Variants in CCDC159 observed in about 807,000 individuals in gnomAD.
CCDC159 encodes the protein coiled-coil domain containing 159.
In CCDC159, 40 loss-of-function variants were observed where a neutral mutation model predicts 50.9. The observed-to-expected ratio is 0.79, with a 90% CI of 0.61 to 1.02. The LOEUF (loss-of-function observed/expected upper bound fraction) is 1.02. CCDC159 is among the 50% of genes least tolerant of loss of function. The pLI, the probability that CCDC159 is intolerant of heterozygous loss-of-function variation, is 0.00. For synonymous variants in CCDC159, 146 were observed against 138.9 expected, an observed-to-expected ratio of 1.05 and a Z score of -0.36; for missense variants, 356 against 371.5, an observed-to-expected ratio of 0.96 and a Z score of 0.34.
chr19:11,347,663 A>T (rs1026119887), intron 1 of CCDC159, among the ~76,000 whole-genome samples: 6 of 152,198 alleles, frequency 3.9e-5, no homozygotes, highest in African/African-American at 1.4e-4. Flanking sequence ...GGAGTCTTCC[A>T]GGTCGACTGA....
At chr19:11,349,485 G>A in intron 1 of CCDC159, 169 bp from the exon 2 acceptor site, 2 of 770,828 alleles carry the variant, frequency 2.6e-6, no homozygotes, top group Non-Finnish European at 4.2e-6. Context: ...TGTAGCCCAA[G>A]GGGGAGGTGC....
chr19:11,353,679 C>A lies in CCDC159; in HGVS notation c.689+107C>A, dbSNP rs1967710682. The A allele has an allele frequency of 7.7e-6, 12 of 1,561,800 alleles. No individual in the cohort carries two copies. In the South Asian group the frequency reaches 1.4e-4, roughly 18 times the overall value. On this transcript the variant is annotated intron_variant, in intron 8 of 10. Transcript: ENST00000458408. Reference sequence around the variant, plus strand: ...CTGGAGCCCACCTGAGTCCAGACTTCCCTCACCCCCTAGGACTCACCCCAC... The same window carrying A: ...CTGGAGCCCACCTGAGTCCAGACTTACCTCACCCCCTAGGACTCACCCCAC...
chr19:11,349,215 C>G (rs1376716610), intron 1 of CCDC159: 1 of 1,297,110 alleles, frequency 7.7e-7, no homozygotes, highest in Admixed American at 2.1e-5. Context: ...ACCCGGGAAA[C>G]CCCTTCAATG....
intron 1 of CCDC159, chr19:11,349,208 C>G: frequency 7.6e-7 from 1 of 1,311,894 alleles, no homozygotes; most frequent in Non-Finnish European, 1.0e-6. Flanking sequence ...CACCCCCACC[C>G]GGGAAACCCC....
intron 1 of CCDC159, among the ~76,000 whole-genome samples, chr19:11,347,382 G>A (rs1349990469): frequency 1.3e-5 from 2 of 152,222 alleles, no homozygotes; most frequent in East Asian, 3.8e-4. Flanking sequence ...CCGGGCTGGA[G>A]CACAGTGGCA....
At chr19:11,354,389 C>G (rs550213535) in intron 9 of CCDC159, among the ~76,000 whole-genome samples, 191 bp from the exon 10 acceptor site, 1 of 151,592 alleles carries the variant, frequency 6.6e-6, no homozygotes, top group South Asian at 2.1e-4. Context: ...GACCCCATCT[C>G]TAAAAAAAAA....
In CCDC159 at chr19:11,354,933, G is replaced by T; in HGVS notation, c.*56G>T. The T allele has an allele frequency of 1.3e-6, 2 of 1,580,008 alleles. No homozygotes were observed. Among genetic ancestry groups the T allele is most frequent in the Non-Finnish European group, 1.7e-6 (2 of 1,149,222 alleles). On this transcript the variant is annotated 3_prime_UTR_variant, in exon 11 of 11. Coordinates refer to ENST00000458408, the MANE Select transcript of CCDC159 (RefSeq NM_001080503.3). ...TCCAGAGAGAAAATAAACTAGCCCA[G>T]ACCCTCCTCTAGCCCCGACTGTTAG...
intron 7 of CCDC159, among the ~76,000 whole-genome samples, chr19:11,353,196 G>C (rs2144645931): frequency 6.6e-6 from 1 of 152,178 alleles, no homozygotes; most frequent in East Asian, 1.9e-4. Flanking sequence ...TGCCTCCTGG[G>C]TTCAAGCAAT....
chr19:11,353,982 T>G, intron 9 of CCDC159, 108 bp downstream of exon 9: 2 of 842,280 alleles, frequency 2.4e-6, no homozygotes, highest in Non-Finnish European at 1.8e-6. Context: ...GGTGTTATTC[T>G]ATGGTCACAT....
rs372176819 is a variant in CCDC159 at position 11,354,677 on chromosome 19, C to T, written c.870C>T (p.Ser290=). The T allele has an allele frequency of 4.9e-5, 78 of 1,606,030 alleles. No individual in the cohort carries two copies. Among genetic ancestry groups the T allele is most frequent in the Middle Eastern group, 3.3e-4 (2 of 6,070 alleles). The change falls in exon 10 of 11, where the codon AGC becomes AGT. Residue 290 remains serine, a synonymous_variant. Coordinates refer to ENST00000458408, the MANE Select transcript of CCDC159 (RefSeq NM_001080503.3). ...TCTCCCAGCCACCTTTCAGCAAGAGCGGCCGCTCCTTCCCACCCGGTGCAG... is the reference window on the plus strand; with the variant it reads ...TCTCCCAGCCACCTTTCAGCAAGAGTGGCCGCTCCTTCCCACCCGGTGCAG... ...QDLSQPPFSK[S]GRSFPPA
chr19:11,350,099 G>A lies in CCDC159; in HGVS notation c.145-19G>A. 1.2e-6 allele frequency: 2 copies of A among 1,613,164 alleles called. No homozygotes were observed. The highest frequency in any genetic ancestry group is 1.7e-6 in the Non-Finnish European group (2 of 1,179,546). On this transcript the variant is annotated intron_variant, in intron 3 of 10. Transcript: ENST00000458408. ...CTCCCCTCCTTCCTCCCACCCCAAG[G>A]CTGACCTCTTTCCCCCAGGCTTTCG...
At chr19:11,347,914 A>G (rs1037337443) in intron 1 of CCDC159, among the ~76,000 whole-genome samples, 8 of 152,136 alleles carry the variant, frequency 5.3e-5, no homozygotes, top group African/African-American at 1.7e-4. Flanking sequence ...CTGGGCCCCA[A>G]TTCAGCTAAC....
Position 11,353,837 on chromosome 19 carries a change from G to T in CCDC159, c.735G>T (p.Leu245Phe). Residue 245 changes from leucine (L) to phenylalanine (F), a missense_variant, in exon 9 of 11, where the codon TTG (leucine) becomes TTT (phenylalanine). Leu to Phe is a conservative substitution (Grantham distance 22). Transcript: ENST00000458408. ...VLQNSIDSLT[L>F]CSGACPKASS... The stretch of plus-strand genomic sequence containing the variant: ...AGAACTCCATAGACAGCCTCACTTT[G>T]TGCTCGGGGGCCTGTCCCAAGGCCT... 1 of 1,594,586 alleles carries T rather than the reference G, an allele frequency of 6.3e-7. No individual in the cohort carries two copies. Among genetic ancestry groups the T allele is most frequent in the East Asian group, 2.3e-5 (1 of 44,002 alleles).
At chr19:11,348,424 G>A (rs1208298262) in intron 1 of CCDC159, among the ~76,000 whole-genome samples, 2 of 152,086 alleles carry the variant, frequency 1.3e-5, no homozygotes, top group African/African-American at 2.4e-5. Context: ...GAGTAGCTGG[G>A]ATTACAGGCG....
chr19:11,351,329 A>C, intron 5 of CCDC159: 2 of 250,712 alleles, frequency 8.0e-6, no homozygotes, highest in Non-Finnish European at 1.6e-5. Flanking sequence ...CCCAGCTACT[A>C]GGGAAGCTGA....
chr19:11,353,725 G>C (rs1312401688), intron 8 of CCDC159, 67 bp from the exon 9 acceptor site: 1 of 1,540,046 alleles, frequency 6.5e-7, no homozygotes, highest in Non-Finnish European at 8.8e-7. Context: ...AACCTTAGCT[G>C]TACTGCTGTC....
intron 2 of CCDC159, 44 bp from the exon 3 acceptor site, chr19:11,349,894 C>T (rs376544974): frequency 2.8e-5 from 45 of 1,585,972 alleles, no homozygotes; most frequent in Admixed American, 3.4e-5. Context: ...TTGCCCCAGA[C>T]CCCACCCCTT....
Position 11,349,645 on chromosome 19 carries a change from C to A in CCDC159, c.22-9C>A. On this transcript the variant is annotated splice_polypyrimidine_tract_variant and intron_variant, in intron 1 of 10. Coordinates refer to ENST00000458408, the MANE Select transcript of CCDC159 (RefSeq NM_001080503.3). ...AAATTTCTACTCCCATCTCATCTCT[C>A]TTCCTTAGAAGCCCTTGGAGACCAG... The A allele has an allele frequency of 1.9e-6, 3 of 1,613,304 alleles. No individual in the cohort carries two copies. In the South Asian group the frequency reaches 3.3e-5, roughly 18 times the overall value.
rs746439398 is a variant in CCDC159, at chr19:11,353,515, C to T, written c.632C>T (p.Pro211Leu). 9.9e-6 allele frequency: 16 copies of T among 1,612,696 alleles called. No homozygotes were observed. Among genetic ancestry groups the T allele is most frequent in the African/African-American group, 1.3e-5 (1 of 74,856 alleles). Residue 211 changes from proline (P) to leucine (L), a missense_variant, in exon 8 of 11, where the codon CCG becomes CTG. Physicochemically the swap from Pro to Leu is moderately conservative, Grantham distance 98 (BLOSUM62 -3). Transcript: ENST00000458408. ...GCCTGTCCGGAGACTGAAGAGATAC[C>T]GCAGGGAGCCAGTGGCTGCTGGAAG... ...TAACPETEEI[P>L]QGASGCWKDD...
Sources: gnomAD v4.1 joint callset for allele counts (sites outside exome capture counted in the v4.1 genomes callset) on GRCh38, gnomAD v4.1.1 for gene constraint, MANE v1.5 for transcripts, NCBI Gene and HGNC (gene_info 2026-07-23, HGNC 2026-07-21) for gene names.